SOWAHA: variants seen among roughly 807,000 people sequenced by gnomAD.
SOWAHA encodes sosondowah ankyrin repeat domain family member A.
A neutral mutation model predicts 21.1 loss-of-function variants in SOWAHA; 17 were observed. The observed-to-expected ratio is 0.80, with a 90% CI of 0.55 to 1.21. The LOEUF (loss-of-function observed/expected upper bound fraction) is 1.21. Ranked by LOEUF, SOWAHA falls within the 50% of genes most tolerant of loss-of-function variation. SOWAHA has a pLI of 0.00. For missense variants in SOWAHA, 862 were observed against 816.0 expected, an observed-to-expected ratio of 1.06 and a Z score of -0.69; for synonymous variants, 422 against 397.1, an observed-to-expected ratio of 1.06 and a Z score of -0.75.
Position 132,816,699 on chromosome 5 carries a change from A to G in SOWAHA, c.*1428A>G. 1 of 167,232 alleles carries G rather than the reference A, an allele frequency of 6.0e-6. No individual in the cohort carries two copies. The allele number at this position is 167,232 out of a possible 1,614,324, so 10.4% of individuals were successfully genotyped here. A position where few individuals can be genotyped will look rare whatever the true frequency, so the allele number is the denominator to read the frequency against. On this transcript the variant is annotated 3_prime_UTR_variant, in exon 1 of 1. Coordinates refer to ENST00000378693, the MANE Select transcript of SOWAHA (RefSeq NM_175873.6). ...GTGGAGCTTCCCTCCCCACCCCCAT[A>G]TGTATCAGTGAAGCCTTTGAAATTA...
chr5:132,813,819 G>A lies in SOWAHA; in HGVS notation c.198G>A (p.Ala66=). 1 of 1,549,416 alleles carries A rather than the reference G, an allele frequency of 6.5e-7. No homozygotes were observed. Among genetic ancestry groups the A allele is most frequent in the Non-Finnish European group, 8.7e-7 (1 of 1,146,372 alleles). Reference sequence around the variant, plus strand: ...TCAAGCAGTTCGTCAACAACGTGGCGGTGGTGAAGGAGCTCGACGGCGTCA... The same window carrying A: ...TCAAGCAGTTCGTCAACAACGTGGCAGTGGTGAAGGAGCTCGACGGCGTCA... ...DRFKQFVNNV[A]VVKELDGVKF... The change falls in exon 1 of 1, where the codon GCG becomes GCA. Residue 66 remains alanine (A), a synonymous_variant. Coordinates refer to ENST00000378693, the MANE Select transcript of SOWAHA (RefSeq NM_175873.6).
At position 132,814,513 on chromosome 5, in the gene SOWAHA, G is replaced by C. The variant is rs1338975348; in HGVS notation, c.892G>C (p.Ala298Pro). ...GAGCCCTGACGCCGAGGAGTTGCCC[G>C]CCGCGCCGCCGCCGTCCGCGGTGCC... ...LLSPDAEELP[A>P]APPPSAVPLE... is the part of the protein sequence containing the mutation. Residue 298 changes from alanine (A) to proline (P), a missense_variant, in exon 1 of 1, where the codon GCC becomes CCC. By Grantham distance (27) the Ala-to-Pro change is conservative (BLOSUM62 -1). Coordinates refer to ENST00000378693, the MANE Select transcript of SOWAHA (RefSeq NM_175873.6). 1 of 1,368,636 alleles carries C rather than the reference G, an allele frequency of 7.3e-7. No individual in the cohort carries two copies. The highest frequency in any genetic ancestry group is 1.5e-5 in the African/African-American group (1 of 65,066). 84.8% of individuals were successfully genotyped at this position (1,368,636 alleles called of 1,614,324 possible).
Position 132,814,932 on chromosome 5 carries a change from T to TA in SOWAHA, c.1311_1312insA (p.Leu438ThrfsTer48). 1 of 1,561,632 alleles carries TA rather than the reference T, an allele frequency of 6.4e-7. No homozygotes were observed. Among genetic ancestry groups the TA allele is most frequent in the Non-Finnish European group, 8.7e-7 (1 of 1,154,478 alleles). ...GCTCCTCGTACGCGCTGCGCCGCCT[T>TA]CTTGGCGATCCAGGCCTGCGAGGCA... On this transcript the variant is annotated frameshift_variant, in exon 1 of 1. Coordinates refer to ENST00000378693, the MANE Select transcript of SOWAHA (RefSeq NM_175873.6). LOFTEE classifies it high-confidence loss of function.
Position 132,814,430 on chromosome 5 carries a change from T to TGGGCCC in SOWAHA, c.815_820dup (p.Pro272_Gly273dup). ...GAAGAGTCCGGTCTGGGCCTCGGCC[T>TGGGCCC]GGGCCCGGGCCGCTCCCCGCACCTG... On this transcript the variant is annotated inframe_insertion, in exon 1 of 1. Coordinates refer to ENST00000378693, the MANE Select transcript of SOWAHA (RefSeq NM_175873.6). 3.4e-6 allele frequency: 5 copies of TGGGCCC among 1,477,990 alleles called. No individual in the cohort carries two copies. Among genetic ancestry groups the TGGGCCC allele is most frequent in the African/African-American group, 1.5e-5 (1 of 68,046 alleles). 91.6% of individuals were successfully genotyped at this position (1,477,990 alleles called of 1,614,324 possible). A position where few individuals can be genotyped will look rare whatever the true frequency, so the allele number is the denominator to read the frequency against.
rs1173333552 is a variant in SOWAHA, at chr5:132,816,514, AT to A, written c.*1246del. 2 of 167,116 alleles carry A rather than the reference AT, an allele frequency of 1.2e-5. No homozygotes were observed. The highest frequency in any genetic ancestry group is 4.8e-5 in the African/African-American group (2 of 41,458). 10.4% of individuals were successfully genotyped at this position (167,116 alleles called of 1,614,324 possible). ...GAGAAAGTTTGTAGATATTGCCAAG[AT>A]TTCCCAGGCTCAATACAGTGTAATT... On this transcript the variant is annotated 3_prime_UTR_variant, in exon 1 of 1. Coordinates refer to ENST00000378693, the MANE Select transcript of SOWAHA (RefSeq NM_175873.6).
Position 132,813,648 on chromosome 5 carries a change from T to C in SOWAHA, c.27T>C (p.Ala9=), listed in dbSNP as rs1295149189. 18 of 1,271,682 alleles carry C rather than the reference T, an allele frequency of 1.4e-5. No individual in the cohort carries two copies. The highest frequency in any genetic ancestry group is 5.5e-5 in the South Asian group (3 of 55,016). 78.8% of individuals were successfully genotyped at this position (1,271,682 alleles called of 1,614,324 possible). A position where few individuals can be genotyped will look rare whatever the true frequency, so the allele number is the denominator to read the frequency against. ...TGGCGCTGGCCGCCGCCGCCGCCGC[T>C]GCGGCTGCCGGGGTGAGCCAGGCGG... The part of the protein sequence containing the change: MALAAAAA[A]AAAGVSQAAV... Residue 9 remains alanine, a synonymous_variant, in exon 1 of 1, where the codon GCT becomes GCC. Transcript: ENST00000378693.
rs1758352158 is a variant in SOWAHA, at chr5:132,814,414, G to A, written c.793G>A (p.Gly265Ser). The A allele has an allele frequency of 1.3e-6, 2 of 1,485,374 alleles. No homozygotes were observed. Among genetic ancestry groups the A allele is most frequent in the Non-Finnish European group, 1.8e-6 (2 of 1,126,602 alleles). The allele number at this position is 1,485,374 out of a possible 1,614,324, so 92.0% of individuals were successfully genotyped here. A position where few individuals can be genotyped will look rare whatever the true frequency, so the allele number is the denominator to read the frequency against. ...LLRRLSVEES[G>S]LGLGLGPGRS... ...GAGGCGGCTCTCGGTGGAAGAGTCC[G>A]GTCTGGGCCTCGGCCTGGGCCCGGG... The change falls in exon 1 of 1, where the codon GGT becomes AGT. Residue 265 changes from glycine (G) to serine (S), a missense_variant. By Grantham distance (56) the Gly-to-Ser change is moderately conservative (BLOSUM62 0). Transcript: ENST00000378693.
Position 132,813,637 on chromosome 5 carries a change from G to GCCGCCA in SOWAHA, c.21_22insACCGCC (p.Ala7_Ala8insThrAla). The stretch of plus-strand genomic sequence containing the variant: ...GGGCCCCACCATGGCGCTGGCCGCC[G>GCCGCCA]CCGCCGCCGCTGCGGCTGCCGGGGT... On this transcript the variant is annotated inframe_insertion, in exon 1 of 1. Transcript: ENST00000378693. The GCCGCCA allele has an allele frequency of 7.3e-7, 1 of 1,370,830 alleles. No homozygotes were observed. Among genetic ancestry groups the GCCGCCA allele is most frequent in the Non-Finnish European group, 9.4e-7 (1 of 1,067,684 alleles). The allele number at this position is 1,370,830 out of a possible 1,614,324, so 84.9% of individuals were successfully genotyped here. A position where few individuals can be genotyped will look rare whatever the true frequency, so the allele number is the denominator to read the frequency against.
In SOWAHA at chr5:132,815,212, C is replaced by T. The variant is rs781132837; in HGVS notation, c.1591C>T (p.Arg531Cys). The change falls in exon 1 of 1, where the codon CGT (arginine) becomes TGT (cysteine). Residue 531 changes from arginine (R) to cysteine (C), a missense_variant. By Grantham distance (180) the Arg-to-Cys change is radical. Coordinates refer to ENST00000378693, the MANE Select transcript of SOWAHA (RefSeq NM_175873.6). ...GGLPAFSEIS[R>C]RPTPGPLAGL... is the part of the protein sequence containing the mutation. ...TCTGCCAGCCTTCTCAGAAATCTCT[C>T]GTCGACCTACTCCGGGGCCTTTAGC... 8.1e-6 allele frequency: 13 copies of T among 1,613,638 alleles called. No homozygotes were observed. Among genetic ancestry groups the T allele is most frequent in the Non-Finnish European group, 1.0e-5 (12 of 1,180,038 alleles).
chr5:132,814,006 G>C lies in SOWAHA; in HGVS notation c.385G>C (p.Val129Leu), dbSNP rs1252632700. 13 of 1,543,472 alleles carry C rather than the reference G, an allele frequency of 8.4e-6. No homozygotes were observed. The highest frequency in any genetic ancestry group is 1.1e-5 in the Non-Finnish European group (13 of 1,147,302). The change falls in exon 1 of 1, where the codon GTG becomes CTG. Residue 129 changes from valine (V) to leucine (L), a missense_variant. Transcript: ENST00000378693. ...APPLVRVPRPVEPPGDLGLPT... is the reference protein window; with the variant it reads ...APPLVRVPRPLEPPGDLGLPT... ...GCCCTTGGTCCGGGTGCCGCGGCCA[G>C]TGGAGCCGCCAGGGGACCTGGGTCT...
chr5:132,813,908 C>G lies in SOWAHA; in HGVS notation c.287C>G (p.Pro96Arg), dbSNP rs376888433. 5.2e-6 allele frequency: 8 copies of G among 1,547,172 alleles called. No individual in the cohort carries two copies. In the African/African-American group the frequency reaches 6.9e-5, roughly 13 times the overall value. Residue 96 changes from proline to arginine, a missense_variant, in exon 1 of 1, where the codon CCG becomes CGG. Pro to Arg is a moderately radical substitution (Grantham distance 103). Transcript: ENST00000378693. ...CCCGAGCCCGCACCCTTCGGCCCCC[C>G]GGGGGCAGCGGCCCAGCCGTCGAAA... The part of the protein sequence containing the change: ...PEPEPAPFGP[P>R]GAAAQPSKPT...
rs1333864072 is a variant in SOWAHA, at chr5:132,814,380, T to A, written c.759T>A (p.Pro253=). The change falls in exon 1 of 1, where the codon CCT becomes CCA. Residue 253 remains proline (P), a synonymous_variant. Coordinates refer to ENST00000378693, the MANE Select transcript of SOWAHA (RefSeq NM_175873.6). The part of the protein sequence containing the change: ...LSEEPSPRSS[P]LLLRRLSVEE... ...AGGAGCCGAGCCCGCGGAGCTCCCC[T>A]CTGCTGCTGAGGCGGCTCTCGGTGG... The A allele has an allele frequency of 8.0e-6, 12 of 1,493,020 alleles. No individual in the cohort carries two copies. The highest frequency in any genetic ancestry group is 4.4e-5 in the African/African-American group (3 of 68,328). The allele number at this position is 1,493,020 out of a possible 1,614,324, so 92.5% of individuals were successfully genotyped here.
In SOWAHA at chr5:132,814,489, A is replaced by G. The variant is rs1758354217; in HGVS notation, c.868A>G (p.Ser290Gly). 1.4e-6 allele frequency: 2 copies of G among 1,423,588 alleles called. No homozygotes were observed. The allele number at this position is 1,423,588 out of a possible 1,614,324, so 88.2% of individuals were successfully genotyped here. The change falls in exon 1 of 1, where the codon AGC becomes GGC. Residue 290 changes from serine (S) to glycine (G), a missense_variant. Coordinates refer to ENST00000378693, the MANE Select transcript of SOWAHA (RefSeq NM_175873.6). ...GTCGCGCGCCGGCCCGCGTCTGCTG[A>G]GCCCTGACGCCGAGGAGTTGCCCGC... Reference protein sequence around the residue: ...RLSRAGPRLLSPDAEELPAAP... With the variant: ...RLSRAGPRLLGPDAEELPAAP...
Position 132,815,130 on chromosome 5 carries a change from C to T in SOWAHA, c.1509C>T (p.Ser503=). 1 of 1,614,088 alleles carries T rather than the reference C, an allele frequency of 6.2e-7. No homozygotes were observed. The highest frequency in any genetic ancestry group is 8.5e-7 in the Non-Finnish European group (1 of 1,180,038). ...ARGLKKSSSF[S]KFLSASPMAP... Reference sequence around the variant, plus strand: ...GCTTGAAGAAGTCGAGCTCCTTCAGCAAGTTCTTGAGCGCCTCGCCCATGG... The same window carrying T: ...GCTTGAAGAAGTCGAGCTCCTTCAGTAAGTTCTTGAGCGCCTCGCCCATGG... Residue 503 remains serine (S), a synonymous_variant, in exon 1 of 1, where the codon AGC becomes AGT. Transcript: ENST00000378693.
Position 132,813,554 on chromosome 5 carries a change from C to T in SOWAHA, c.-68C>T, listed in dbSNP as rs933027607. The T allele has an allele frequency of 1.1e-5, 12 of 1,084,620 alleles. No individual in the cohort carries two copies. The South Asian group carries it at 3.1e-4, about 28-fold the overall frequency. The allele number at this position is 1,084,620 out of a possible 1,614,324, so 67.2% of individuals were successfully genotyped here. On this transcript the variant is annotated 5_prime_UTR_variant, in exon 1 of 1. Transcript: ENST00000378693. ...AGCGCGGCCGCGCCTCCCGGAACCC[C>T]GCTCCCGCGCGTCCCGCGGCGACGC...
chr5:132,814,062 G>T lies in SOWAHA; in HGVS notation c.441G>T (p.Gly147=), dbSNP rs753951634. Residue 147 remains glycine (G), a synonymous_variant, in exon 1 of 1, where the codon GGG becomes GGT. Coordinates refer to ENST00000378693, the MANE Select transcript of SOWAHA (RefSeq NM_175873.6). ...CAGAGCCACAGGACACCCCGGGGGG[G>T]CCGGCCTCCGAGCCCGCTCAGCCGC... ...LPTEPQDTPG[G]PASEPAQPPG... 2.6e-6 allele frequency: 4 copies of T among 1,568,494 alleles called. No homozygotes were observed. Among genetic ancestry groups the T allele is most frequent in the African/African-American group, 1.3e-5 (1 of 74,094 alleles).
Position 132,814,152 on chromosome 5 carries a change from C to T in SOWAHA, c.531C>T (p.Pro177=), listed in dbSNP as rs929217814. The change falls in exon 1 of 1, where the codon CCC becomes CCT. Residue 177 remains proline (P), a synonymous_variant. Coordinates refer to ENST00000378693, the MANE Select transcript of SOWAHA (RefSeq NM_175873.6). ...AGCTAGCCCAGGCCACCGAGAGACC[C>T]TCCGCAGACGCGGCCCCACCGCCTA... ...ALELAQATER[P]SADAAPPPRA... 6.3e-7 allele frequency: 1 copy of T among 1,599,626 alleles called. No homozygotes were observed.
rs1428757761 is a variant in SOWAHA, at chr5:132,813,386, G to A, written c.-236G>A. Among the ~76,000 whole-genome samples the A allele has an allele frequency of 6.6e-6, 1 of 151,768 alleles. No homozygotes were observed. Among genetic ancestry groups the A allele is most frequent in the Non-Finnish European group, 1.5e-5 (1 of 67,878 alleles). ...AGGCAGAAACCTACCCCGAAGGCCG[G>A]GGCCCGGCGGGGCGCTGGGGGTGGG... is the stretch of plus-strand genomic sequence containing the variant. On this transcript the variant is annotated 5_prime_UTR_variant, in exon 1 of 1. Coordinates refer to ENST00000378693, the MANE Select transcript of SOWAHA (RefSeq NM_175873.6).
rs1334569469 is a variant in SOWAHA, at chr5:132,814,606, G to A, written c.985G>A (p.Gly329Arg). Residue 329 changes from glycine to arginine, a missense_variant, in exon 1 of 1, where the codon GGG (glycine) becomes AGG (arginine). By Grantham distance (125) the Gly-to-Arg change is moderately radical (BLOSUM62 -2). Transcript: ENST00000378693. The stretch of plus-strand genomic sequence containing the variant: ...GGGCCGCTGGACCCACCAGCTGCAC[G>A]GGCTGCTGCTGCGCGACCGCGGCTT... ...AGGRWTHQLH[G>R]LLLRDRGLAA... 2.0e-6 allele frequency: 3 copies of A among 1,512,924 alleles called. No homozygotes were observed. Among genetic ancestry groups the A allele is most frequent in the South Asian group, 2.5e-5 (2 of 81,206 alleles). 93.7% of individuals were successfully genotyped at this position (1,512,924 alleles called of 1,614,324 possible). A position where few individuals can be genotyped will look rare whatever the true frequency, so the allele number is the denominator to read the frequency against.
Sources: gnomAD v4.1 joint callset for allele counts (sites outside exome capture counted in the v4.1 genomes callset) on GRCh38, gnomAD v4.1.1 for gene constraint, MANE v1.5 for transcripts, NCBI Gene and HGNC (gene_info 2026-07-23, HGNC 2026-07-21) for gene names.